Variants in DOCK4 observed in about 807,000 individuals in gnomAD.
The protein encoded by DOCK4 is dedicator of cytokinesis protein 4.
A neutral mutation model predicts 268.1 loss-of-function variants in DOCK4; 97 were observed. That is an observed-to-expected ratio of 0.36 (90% confidence interval 0.31 to 0.43). The LOEUF is 0.43. Ranked by LOEUF, DOCK4 falls within the 20% of genes least tolerant of loss-of-function variation. The probability of loss-of-function intolerance (pLI) is 1.00; values close to 1 mark genes in which losing one functional copy is unlikely to be tolerated. For synonymous variants in DOCK4, 954 were observed against 887.2 expected, an observed-to-expected ratio of 1.08 and a Z score of -1.34; for missense variants, 2,145 against 2,455.7, an observed-to-expected ratio of 0.87 and a Z score of 2.67.
chr7:112,103,278 A>C (rs1418449631), intron 1 of DOCK4, among the ~76,000 whole-genome samples: 1 of 152,222 alleles, frequency 6.6e-6, no homozygotes, highest in Non-Finnish European at 1.5e-5. Flanking sequence ...AGCAAATGCA[A>C]AGCAAGAAAA....
intron 1 of DOCK4, among the ~76,000 whole-genome samples, chr7:112,146,882 T>C (rs1334028468): frequency 1.3e-5 from 2 of 152,176 alleles, no homozygotes; most frequent in African/African-American, 2.4e-5. Flanking sequence ...TTGATTATAT[T>C]TTCTCTAAAG....
chr7:112,019,708 G>A (rs1802151009), intron 1 of DOCK4, among the ~76,000 whole-genome samples: 1 of 152,042 alleles, frequency 6.6e-6, no homozygotes, highest in African/African-American at 2.4e-5. Context: ...ATAGCTAAAG[G>A]AAATACAATT....
rs572898939 is a variant in DOCK4, at chr7:112,036,724, G to A, written c.38-32593C>T. On this transcript the variant is annotated intron_variant, in intron 1 of 52. Coordinates refer to ENST00000428084, the MANE Select transcript of DOCK4 (RefSeq NM_001363540.2). The stretch of plus-strand genomic sequence containing the variant: ...CGCCCAGGCTGGAGTGCAGTGGCAT[G>A]ATCTCTACCCACTGCAACCTCCACC... Among the ~76,000 whole-genome samples the A allele has an allele frequency of 2.1e-5, 3 of 145,708 alleles. No homozygotes were observed. In the South Asian group the frequency reaches 6.5e-4, roughly 32 times the overall value.
intron 1 of DOCK4, among the ~76,000 whole-genome samples, chr7:112,159,297 C>T (rs1816880513): frequency 6.6e-6 from 1 of 152,066 alleles, no homozygotes; most frequent in South Asian, 2.1e-4. Context: ...CCCTCAACAT[C>T]CCTGTTCAGG....
At position 112,052,438 on chromosome 7, in the gene DOCK4, T is replaced by C. The variant is rs557043807; in HGVS notation, c.38-48307A>G. On this transcript the variant is annotated intron_variant, in intron 1 of 52. Transcript: ENST00000428084. ...AGAATTTTGGAGTTTCATTGAATAT[T>C]CTTTCCTGTTTCCCCTTCTTCCCCC... is the stretch of plus-strand genomic sequence containing the variant. Among the ~76,000 whole-genome samples the C allele has an allele frequency of 1.3e-4, 20 of 152,280 alleles. 2 individuals carry two copies. The highest frequency in any genetic ancestry group is 4.3e-4 in the African/African-American group (18 of 41,564).
intron 1 of DOCK4, among the ~76,000 whole-genome samples, chr7:112,032,599 T>G (rs1238168946): frequency 6.6e-6 from 1 of 152,206 alleles, no homozygotes; most frequent in African/African-American, 2.4e-5. Flanking sequence ...AACAATGTGT[T>G]GCAGTTAGAT....
At chr7:112,032,408 T>C (rs1465754339) in intron 1 of DOCK4, among the ~76,000 whole-genome samples, 1 of 152,230 alleles carries the variant, frequency 6.6e-6, no homozygotes, top group Non-Finnish European at 1.5e-5. Flanking sequence ...TACAAATAAA[T>C]GGATTAGATT....
chr7:111,758,565 G>A, intron 41 of DOCK4, 59 bp downstream of exon 41: 1 of 1,573,260 alleles, frequency 6.4e-7, no homozygotes, highest in Non-Finnish European at 8.7e-7. Context: ...CAAGGGCTGT[G>A]CCCCAAGGGG....
At chr7:111,896,056 C>T (rs907667064) in intron 15 of DOCK4, among the ~76,000 whole-genome samples, 1 of 152,094 alleles carries the variant, frequency 6.6e-6, no homozygotes, top group Admixed American at 6.5e-5. Context: ...TCAAAGAGTG[C>T]TAGGAACATA....
At chr7:111,790,387 T>C in intron 31 of DOCK4, 70 bp downstream of exon 31, 1 of 1,562,682 alleles carries the variant, frequency 6.4e-7, no homozygotes, top group East Asian at 2.3e-5. Context: ...TGGAGTTGAA[T>C]CCAGAAGTTC....
intron 1 of DOCK4, among the ~76,000 whole-genome samples, chr7:112,192,597 C>G (rs1820060423): frequency 6.6e-6 from 1 of 152,112 alleles, no homozygotes; most frequent in South Asian, 2.1e-4. Flanking sequence ...ACTGATTTAT[C>G]TGTGATACTT....
At chr7:111,862,649 C>G (rs1234091669) in intron 23 of DOCK4, among the ~76,000 whole-genome samples, 3 of 151,748 alleles carry the variant, frequency 2.0e-5, no homozygotes, top group Non-Finnish European at 4.4e-5. Flanking sequence ...TCTCAACACA[C>G]TCGGGTAATT....
intron 23 of DOCK4, among the ~76,000 whole-genome samples, chr7:111,850,332 T>C (rs1804443745): frequency 6.6e-6 from 1 of 151,938 alleles, no homozygotes; most frequent in African/African-American, 2.4e-5. Flanking sequence ...ATCTTTGATG[T>C]TTCCTGTCTA....
chr7:111,741,534 A>G lies in DOCK4; in HGVS notation c.4919+6T>C. 6.2e-7 allele frequency: 1 copy of G among 1,612,218 alleles called. No homozygotes were observed. Among genetic ancestry groups the G allele is most frequent in the African/African-American group, 1.3e-5 (1 of 74,980 alleles). On this transcript the variant is annotated splice_donor_region_variant and intron_variant, in intron 46 of 52. Coordinates refer to ENST00000428084, the MANE Select transcript of DOCK4 (RefSeq NM_001363540.2). Reference sequence around the variant, plus strand: ...AAATTGTAAGATAATTTGGAATATGACTTACCTGCGTCTAGGAATTACCCT... The same window carrying G: ...AAATTGTAAGATAATTTGGAATATGGCTTACCTGCGTCTAGGAATTACCCT...
intron 1 of DOCK4, among the ~76,000 whole-genome samples, chr7:112,171,270 T>C (rs1563154379): frequency 6.6e-6 from 1 of 152,152 alleles, no homozygotes; most frequent in Non-Finnish European, 1.5e-5. Context: ...CATAAAGAAA[T>C]AACTAATGAA....
intron 25 of DOCK4, among the ~76,000 whole-genome samples, chr7:111,836,294 G>A (rs1477469820): frequency 6.6e-6 from 1 of 151,650 alleles, no homozygotes; most frequent in Non-Finnish European, 1.5e-5. Context: ...CCTTAGTACT[G>A]GAGAAAAACT....
At chr7:112,112,237 T>C (rs1811725558) in intron 1 of DOCK4, among the ~76,000 whole-genome samples, 1 of 152,146 alleles carries the variant, frequency 6.6e-6, no homozygotes, top group South Asian at 2.1e-4. Flanking sequence ...TGAGAACTGG[T>C]TGATCAAAGG....
chr7:112,060,721 A>G (rs1806313221), intron 1 of DOCK4, among the ~76,000 whole-genome samples: 1 of 152,258 alleles, frequency 6.6e-6, no homozygotes. Flanking sequence ...GCCAGGCACA[A>G]AAAGACAAAT....
chr7:112,165,726 T>C (rs919781527), intron 1 of DOCK4, among the ~76,000 whole-genome samples: 1 of 152,022 alleles, frequency 6.6e-6, no homozygotes, highest in Non-Finnish European at 1.5e-5. Flanking sequence ...GGGAAAAAAA[T>C]CAAGAAGTAC....
Sources: allele counts gnomAD v4.1 joint callset (sites outside exome capture counted in the v4.1 genomes callset), GRCh38; gene constraint gnomAD v4.1.1; transcripts MANE v1.5; gene names NCBI Gene and HGNC (gene_info 2026-07-23, HGNC 2026-07-21).